Variants in DLL4 observed in about 807,000 individuals in gnomAD.
The protein encoded by DLL4 is delta-like protein 4.
In DLL4, 7 loss-of-function variants were observed where a neutral mutation model predicts 73.6. The observed-to-expected ratio is 0.10, with a 90% CI of 0.05 to 0.18. The LOEUF (loss-of-function observed/expected upper bound fraction) is 0.18, where lower values mean the gene tolerates loss of function less well. DLL4 is among the 10% of genes least tolerant of loss of function. The probability of loss-of-function intolerance (pLI) is 1.00; values close to 1 mark genes in which losing one functional copy is unlikely to be tolerated. For missense variants in DLL4, 614 were observed against 929.9 expected, an observed-to-expected ratio of 0.66 and a Z score of 4.42; for synonymous variants, 345 against 374.3, an observed-to-expected ratio of 0.92 and a Z score of 0.90.
chr15:40,931,438 C>T, intron 3 of DLL4, 65 bp from the exon 4 acceptor site: 8 of 1,531,582 alleles, frequency 5.2e-6, no homozygotes, highest in Non-Finnish European at 6.1e-6. Flanking sequence ...AGGACATTGG[C>T]CAGCCGTCAC....
At position 40,938,281 on chromosome 15, in the gene DLL4, A is replaced by G. The variant is rs908124982; in HGVS notation, c.*247A>G. On this transcript the variant is annotated 3_prime_UTR_variant, in exon 11 of 11. Transcript: ENST00000249749. ...ACCAGAGGAACAGAAGAGAAGAGAG[A>G]TGCCACTGGGCACTGCCCTGCCAGT... The G allele has an allele frequency of 2.0e-5, 8 of 400,374 alleles. No homozygotes were observed. Among genetic ancestry groups the G allele is most frequent in the Non-Finnish European group, 3.5e-5 (8 of 226,528 alleles). The allele number at this position is 400,374 out of a possible 1,614,324, so 24.8% of individuals were successfully genotyped here. A position where few individuals can be genotyped will look rare whatever the true frequency, so the allele number is the denominator to read the frequency against.
intron 6 of DLL4, among the ~76,000 whole-genome samples, chr15:40,934,014 T>A (rs1467085534): frequency 2.9e-4 from 12 of 41,092 alleles, no homozygotes; most frequent in South Asian, 1.4e-3. Context: ...AGACTCCGTC[T>A]CAAAAAAAAA....
At chr15:40,934,792 G>T in intron 7 of DLL4, 75 bp downstream of exon 7, 1 of 1,587,904 alleles carries the variant, frequency 6.3e-7, no homozygotes, top group Non-Finnish European at 8.6e-7. Context: ...GCAGTTAGTG[G>T]ATGTACAGCC....
chr15:40,935,697 T>C (rs1892833307), intron 8 of DLL4, among the ~76,000 whole-genome samples: 1 of 152,234 alleles, frequency 6.6e-6, no homozygotes. Context: ...CTGAAGCCTC[T>C]GGCACTGCCA....
At chr15:40,936,075 C>A (rs1159070538) in intron 8 of DLL4, among the ~76,000 whole-genome samples, 153 bp from the exon 9 acceptor site, 7 of 152,236 alleles carry the variant, frequency 4.6e-5, no homozygotes. Context: ...TCATGCTAAA[C>A]TCCAGGTCTC....
rs747692838 is a variant in DLL4 at position 40,936,374 on chromosome 15, A to G, written c.1387A>G (p.Met463Val). ...TTGCCATGACCTGGAGAATGGGCTC[A>G]TGTGCACCTGCCCTGCCGGCTTCTC... Reference protein sequence around the residue: ...GTCHDLENGLMCTCPAGFSGR... With the variant: ...GTCHDLENGLVCTCPAGFSGR... The change falls in exon 9 of 11, where the codon ATG (methionine) becomes GTG (valine). Residue 463 changes from methionine (M) to valine (V), a missense_variant. Physicochemically the swap from Met to Val is conservative, Grantham distance 21 (BLOSUM62 1). This residue lies in a region of DLL4 where 386 missense variants were observed against 541.3 expected (regional missense o/e 0.71). Coordinates refer to ENST00000249749, the MANE Select transcript of DLL4 (RefSeq NM_019074.4). 1.9e-6 allele frequency: 3 copies of G among 1,611,640 alleles called. No homozygotes were observed. Among genetic ancestry groups the G allele is most frequent in the Admixed American group, 1.7e-5 (1 of 59,752 alleles).
intron 7 of DLL4, 77 bp downstream of exon 7, chr15:40,934,794 T>G (rs1197381612): frequency 5.0e-6 from 8 of 1,586,984 alleles, no homozygotes; most frequent in African/African-American, 1.3e-5. Flanking sequence ...AGTTAGTGGA[T>G]GTACAGCCAT....
chr15:40,931,463 A>T (rs759239194), intron 3 of DLL4, 40 bp from the exon 4 acceptor site: 1 of 1,582,848 alleles, frequency 6.3e-7, no homozygotes, highest in South Asian at 1.1e-5. Flanking sequence ...ACCCTTGGGG[A>T]CTGGCGACCC....
intron 3 of DLL4, 191 bp from the exon 4 acceptor site, chr15:40,931,312 G>A (rs556591401): frequency 4.7e-6 from 3 of 640,000 alleles, no homozygotes; most frequent in South Asian, 3.8e-5. Context: ...ATGCACACAC[G>A]TAGGGCAGCT....
chr15:40,938,106 TCCTGGATGGGACGTTTTTCATATG>T lies in DLL4; in HGVS notation c.*74_*97del. 1 of 1,442,942 alleles carries T rather than the reference TCCTGGATGGGACGTTTTTCATATG, an allele frequency of 6.9e-7. No homozygotes were observed. Among genetic ancestry groups the T allele is most frequent in the Non-Finnish European group, 9.2e-7 (1 of 1,086,730 alleles). The allele number at this position is 1,442,942 out of a possible 1,614,324, so 89.4% of individuals were successfully genotyped here. A position where few individuals can be genotyped will look rare whatever the true frequency, so the allele number is the denominator to read the frequency against. ...TTCCTTCTGCATTGTTTACATTGCA[TCCTGGATGGGACGTTTTTCATATG>T]CAACGTGCTGCTCTCAGGAGGAGGA... On this transcript the variant is annotated 3_prime_UTR_variant, in exon 11 of 11. Coordinates refer to ENST00000249749, the MANE Select transcript of DLL4 (RefSeq NM_019074.4).
At chr15:40,937,568 G>A in intron 10 of DLL4, 42 bp downstream of exon 10, 2 of 1,431,510 alleles carry the variant, frequency 1.4e-6, no homozygotes, top group East Asian at 4.5e-5. Flanking sequence ...TTTGTGGGAG[G>A]GAAAGTGGCC....
At chr15:40,932,595 A>G in intron 6 of DLL4, 148 bp downstream of exon 6, 1 of 1,159,274 alleles carries the variant, frequency 8.6e-7, no homozygotes, top group South Asian at 1.5e-5. Context: ...TCTTTTAAGG[A>G]TCTTTACAAC....
At chr15:40,931,877 C>G (rs1892775944) in intron 4 of DLL4, 111 bp downstream of exon 4, 3 of 1,373,348 alleles carry the variant, frequency 2.2e-6, no homozygotes, top group Non-Finnish European at 3.0e-6. Flanking sequence ...GGGCCTCCTA[C>G]TAGCTGGGCC....
chr15:40,932,019 A>G (rs1892777579), intron 4 of DLL4, among the ~76,000 whole-genome samples, 152 bp from the exon 5 acceptor site: 1 of 152,152 alleles, frequency 6.6e-6, no homozygotes. Flanking sequence ...CTGTGCCATT[A>G]TTTCACTTTA....
At chr15:40,932,800 T>C (rs1892787780) in intron 6 of DLL4, among the ~76,000 whole-genome samples, 1 of 152,188 alleles carries the variant, frequency 6.6e-6, no homozygotes, top group Admixed American at 6.5e-5. Flanking sequence ...ATTAACCCCC[T>C]GAGTGTTTGC....
chr15:40,936,393 G>C lies in DLL4; in HGVS notation c.1406G>C (p.Gly469Ala). The change falls in exon 9 of 11, where the codon GGC (glycine) becomes GCC (alanine). Residue 469 changes from glycine to alanine, a missense_variant. This residue lies in a region of DLL4 where 386 missense variants were observed against 541.3 expected (regional missense o/e 0.71). Transcript: ENST00000249749. ...GGGCTCATGTGCACCTGCCCTGCCG[G>C]CTTCTCTGGCCGACGCTGTGAGGTG... ...ENGLMCTCPA[G>A]FSGRRCEVRT... 1 of 1,611,736 alleles carries C rather than the reference G, an allele frequency of 6.2e-7. No individual in the cohort carries two copies. The highest frequency in any genetic ancestry group is 1.1e-5 in the South Asian group (1 of 90,744).
rs552173929 is a variant in DLL4 at position 40,930,982 on chromosome 15, G to T, written c.394+300G>T. The T allele has an allele frequency of 2.1e-3, 1,101 of 515,514 alleles. 2 individuals carry two copies. Among genetic ancestry groups the T allele is most frequent in the Non-Finnish European group, 3.2e-3 (936 of 289,534 alleles). 31.9% of individuals were successfully genotyped at this position (515,514 alleles called of 1,614,324 possible). On this transcript the variant is annotated intron_variant, in intron 3 of 10. Coordinates refer to ENST00000249749, the MANE Select transcript of DLL4 (RefSeq NM_019074.4). The surrounding 1 kb of genome is among the most constrained non-coding windows in gnomAD (Gnocchi z 5.7). ...GTATTTTACACCTTTCGCGAATTCC[G>T]CTCCTTTGGAAAGGGAATAATGGCT... is the stretch of plus-strand genomic sequence containing the variant.
At position 40,930,812 on chromosome 15, in the gene DLL4, C is replaced by A; in HGVS notation, c.394+130C>A. 2 of 928,886 alleles carry A rather than the reference C, an allele frequency of 2.2e-6. No individual in the cohort carries two copies. Among genetic ancestry groups the A allele is most frequent in the South Asian group, 1.6e-5 (1 of 64,176 alleles). The allele number at this position is 928,886 out of a possible 1,614,324, so 57.5% of individuals were successfully genotyped here. On this transcript the variant is annotated intron_variant, in intron 3 of 10. Transcript: ENST00000249749. This position sits in a 1 kb window ranked among gnomAD's most constrained non-coding sequence, Gnocchi z 5.7. ...ACGCTTAGCTTGGCCTGGAGCTGCG[C>A]CCCGCGCTGGACGCTCGGATTCCGC... is the stretch of plus-strand genomic sequence containing the variant.
In DLL4 at chr15:40,930,548, AG is replaced by A. The variant is rs1892752191; in HGVS notation, c.337-75del. 1 of 1,175,330 alleles carries A rather than the reference AG, an allele frequency of 8.5e-7. No individual in the cohort carries two copies. The highest frequency in any genetic ancestry group is 1.3e-5 in the South Asian group (1 of 78,614). 72.8% of individuals were successfully genotyped at this position (1,175,330 alleles called of 1,614,324 possible). On this transcript the variant is annotated intron_variant, in intron 2 of 10. Coordinates refer to ENST00000249749, the MANE Select transcript of DLL4 (RefSeq NM_019074.4). The surrounding 1 kb of genome is among the most constrained non-coding windows in gnomAD (Gnocchi z 5.7). ...AATCCTGCAATTAGATTAATTAAACAGGCTGCCGCAAGGCACCCCCACCTCT... is the reference window on the plus strand; with the variant it reads ...AATCCTGCAATTAGATTAATTAAACAGCTGCCGCAAGGCACCCCCACCTCT...
Sources: allele counts gnomAD v4.1 joint callset (sites outside exome capture counted in the v4.1 genomes callset), GRCh38; gene constraint gnomAD v4.1.1; regional missense constraint gnomAD v4.1.1; non-coding constraint Gnocchi (gnomAD v3.1); transcripts MANE v1.5; gene names NCBI Gene and HGNC (gene_info 2026-07-23, HGNC 2026-07-21).